Variants in SPATA6L observed in about 807,000 individuals in gnomAD.
SPATA6L encodes spermatogenesis associated 6-like protein.
SPATA6L carries 68 observed loss-of-function variants against 49.2 expected under a neutral mutation model. The ratio of observed to expected loss-of-function variants is 1.38; its 90% CI spans 1.14 to 1.69. The LOEUF (loss-of-function observed/expected upper bound fraction) is 1.69. Among genes scored for constraint, SPATA6L ranks in the 40% most tolerant of loss-of-function variants. The probability of loss-of-function intolerance (pLI) is 0.00; values close to 1 mark genes in which losing one functional copy is unlikely to be tolerated. For missense variants in SPATA6L, 668 were observed against 464.3 expected (o/e 1.44, Z -4.03); for synonymous variants, 198 against 165.7 (o/e 1.19, Z -1.50).
At chr9:4,605,241 T>G in intron 10 of SPATA6L, 106 bp downstream of exon 10, 1 of 835,210 alleles carries the variant, frequency 1.2e-6, no homozygotes, top group Non-Finnish European at 2.0e-6. Context: ...ATTTTCCACT[T>G]ATTTCTGTGG....
chr9:4,639,617 A>G (rs1219547102), intron 3 of SPATA6L, among the ~76,000 whole-genome samples: 1 of 152,228 alleles, frequency 6.6e-6, no homozygotes, highest in Non-Finnish European at 1.5e-5. Context: ...GAAATAATAA[A>G]CATATTCACA....
Position 4,662,762 on chromosome 9 carries a change from C to T in SPATA6L, c.40-726G>A, listed in dbSNP as rs1252404910. ...CGGGAGAGAGCTCGTCGTGGGGCAGCGTGCGACCCCTTATGAAGCTGCTGG... is the reference window on the plus strand; with the variant it reads ...CGGGAGAGAGCTCGTCGTGGGGCAGTGTGCGACCCCTTATGAAGCTGCTGG... On this transcript the variant is annotated intron_variant, in intron 1 of 11. Transcript: ENST00000682582. The surrounding 1 kb of genome is among the most constrained non-coding windows in gnomAD (Gnocchi z 4.9). 1 of 1,604,496 alleles carries T rather than the reference C, an allele frequency of 6.2e-7. No homozygotes were observed. Among genetic ancestry groups the T allele is most frequent in the South Asian group, 1.1e-5 (1 of 91,084 alleles).
At chr9:4,605,497 A>C in intron 9 of SPATA6L, 57 bp from the exon 10 acceptor site, 1 of 1,225,390 alleles carries the variant, frequency 8.2e-7, no homozygotes, top group Non-Finnish European at 1.2e-6. Flanking sequence ...AGGACACTTA[A>C]AGCACATGAC....
intron 3 of SPATA6L, among the ~76,000 whole-genome samples, chr9:4,647,665 G>T (rs1449537451): frequency 6.6e-6 from 1 of 151,854 alleles, no homozygotes; most frequent in Non-Finnish European, 1.5e-5. Flanking sequence ...AATATATTTA[G>T]AAATGGCAAA....
intron 1 of SPATA6L, 31 bp downstream of exon 1, chr9:4,666,181 G>C (rs763380686): frequency 6.2e-6 from 10 of 1,612,966 alleles, no homozygotes; most frequent in Non-Finnish European, 8.5e-6. Context: ...CCGACTTGAG[G>C]TTAAGGAGGG....
chr9:4,634,482 T>C (rs1293179263), intron 4 of SPATA6L, among the ~76,000 whole-genome samples: 3 of 152,174 alleles, frequency 2.0e-5, no homozygotes, highest in African/African-American at 7.2e-5. Flanking sequence ...ATGATAAGCT[T>C]CATAGAAACA....
chr9:4,596,104 T>G (rs564145107), downstream of SPATA6L, among the ~76,000 whole-genome samples: 42 of 152,330 alleles, frequency 2.8e-4, 1 homozygote, highest in African/African-American at 9.9e-4. Flanking sequence ...GCAACACCTT[T>G]TGGGAATCAC....
chr9:4,640,234 G>C (rs1312601272), intron 3 of SPATA6L, among the ~76,000 whole-genome samples: 10 of 152,110 alleles, frequency 6.6e-5, no homozygotes, highest in Admixed American at 5.2e-4. Flanking sequence ...GCCCCCCTGT[G>C]TCCATTCCTT....
At chr9:4,606,944 C>T (rs1825389427) in intron 9 of SPATA6L, among the ~76,000 whole-genome samples, 1 of 144,840 alleles carries the variant, frequency 6.9e-6, no homozygotes, top group South Asian at 2.2e-4. Context: ...CAGAGAAGTG[C>T]TTAAAGGAGC....
At chr9:4,601,145 C>G (rs926970854) in intron 11 of SPATA6L, among the ~76,000 whole-genome samples, 1 of 152,122 alleles carries the variant, frequency 6.6e-6, no homozygotes, top group Admixed American at 6.6e-5. Flanking sequence ...AAACGTGTTC[C>G]AATTAACTAT....
At chr9:4,644,183 C>CAAAAAAAAAAA (rs58325546) in intron 3 of SPATA6L, among the ~76,000 whole-genome samples, 3 of 45,668 alleles carry the variant, frequency 6.6e-5, no homozygotes, top group African/African-American at 1.7e-4. Context: ...GCCATCTCTG[C>CAAAAAAAAAAA]AAAAAAAAAA....
chr9:4,662,406 C>G lies in SPATA6L; in HGVS notation c.40-370G>C, dbSNP rs1473367843. The G allele has an allele frequency of 6.5e-7, 1 of 1,535,606 alleles. No homozygotes were observed. The highest frequency in any genetic ancestry group is 8.7e-7 in the Non-Finnish European group (1 of 1,148,952). ...AAGTCCCCGGAGGAGCATGGAGGGA[C>G]GGCCGCTGGGCGTCTCCGCTTCGAG... On this transcript the variant is annotated intron_variant, in intron 1 of 11. Coordinates refer to ENST00000682582, the MANE Select transcript of SPATA6L (RefSeq NM_001353486.2). The surrounding 1 kb of genome is among the most constrained non-coding windows in gnomAD (Gnocchi z 4.9).
rs1426700526 is a variant in SPATA6L at position 4,600,750 on chromosome 9, C to T, written c.*61G>A. ...AAAAGTGTTCATTTCTTTAAGGATGCTTCAATTGTCTCAGTGAGTGAGCTC... is the reference window on the plus strand; with the variant it reads ...AAAAGTGTTCATTTCTTTAAGGATGTTTCAATTGTCTCAGTGAGTGAGCTC... On this transcript the variant is annotated 3_prime_UTR_variant, in exon 12 of 12. Coordinates refer to ENST00000682582, the MANE Select transcript of SPATA6L (RefSeq NM_001353486.2). The T allele has an allele frequency of 6.6e-6, 1 of 152,194 alleles. No individual in the cohort carries two copies. Among genetic ancestry groups the T allele is most frequent in the Non-Finnish European group, 1.5e-5 (1 of 68,030 alleles). The allele number at this position is 152,194 out of a possible 1,614,324, so 9.4% of individuals were successfully genotyped here.
chr9:4,625,367 T>C lies in SPATA6L; in HGVS notation c.629A>G (p.Lys210Arg). The C allele has an allele frequency of 1.2e-6, 2 of 1,614,060 alleles. No homozygotes were observed. Among genetic ancestry groups the C allele is most frequent in the Non-Finnish European group, 1.7e-6 (2 of 1,179,992 alleles). ...TGGAGGCTTGCTTCCTCCAGAGATT[T>C]TGAAATTATTTCCAAGGTTCAACTG... ...PAQLNLGNNFKISGGSKPPFV... is the reference protein window; with the variant it reads ...PAQLNLGNNFRISGGSKPPFV... Residue 210 changes from lysine to arginine, a missense_variant, in exon 6 of 12, where the codon AAA becomes AGA. Physicochemically the swap from Lys to Arg is conservative, Grantham distance 26 (BLOSUM62 2). Coordinates refer to ENST00000682582, the MANE Select transcript of SPATA6L (RefSeq NM_001353486.2).
chr9:4,635,566 C>G (rs532316078), intron 3 of SPATA6L, among the ~76,000 whole-genome samples, 167 bp from the exon 4 acceptor site: 1 of 151,924 alleles, frequency 6.6e-6, no homozygotes, highest in Non-Finnish European at 1.5e-5. Context: ...CTTTTTATCT[C>G]GTGGATAATT....
intron 5 of SPATA6L, chr9:4,628,261 G>T (rs993366006): frequency 5.6e-6 from 1 of 178,538 alleles, no homozygotes; most frequent in Admixed American, 5.5e-5. Flanking sequence ...AATATAATTG[G>T]ATTGTTTGTA....
intron 5 of SPATA6L, 194 bp downstream of exon 5, chr9:4,628,897 G>A (rs1830868490): frequency 1.8e-6 from 1 of 552,444 alleles, no homozygotes; most frequent in Non-Finnish European, 3.2e-6. Context: ...CCAAACGTAT[G>A]TACCAAACAT....
At chr9:4,658,883 G>A (rs1194758413) in intron 2 of SPATA6L, among the ~76,000 whole-genome samples, 1 of 148,456 alleles carries the variant, frequency 6.7e-6, no homozygotes, top group Non-Finnish European at 1.5e-5. Context: ...CTGGGAGGCA[G>A]AGGGTGCAGT....
At chr9:4,606,799 A>T (rs1225323069) in intron 9 of SPATA6L, among the ~76,000 whole-genome samples, 1 of 148,578 alleles carries the variant, frequency 6.7e-6, no homozygotes. Flanking sequence ...ACGGAGAACG[A>T]CTTCGACGAG....
Sources: gnomAD v4.1 joint callset for allele counts (sites outside exome capture counted in the v4.1 genomes callset) on GRCh38, gnomAD v4.1.1 for gene constraint, Gnocchi (gnomAD v3.1) non-coding constraint, MANE v1.5 for transcripts, NCBI Gene and HGNC (gene_info 2026-07-23, HGNC 2026-07-21) for gene names.